Variants in FRMPD4 observed in about 807,000 individuals in gnomAD.
FRMPD4 encodes the protein FERM and PDZ domain containing 4, also known as FERM and PDZ domain-containing protein 4.
Under a neutral mutation model 94.1 loss-of-function variants are expected in FRMPD4, and 22 were observed. That is an observed-to-expected ratio of 0.23 (90% CI 0.17 to 0.33). The LOEUF (loss-of-function observed/expected upper bound fraction) is 0.33. Ranked by LOEUF, FRMPD4 falls within the 10% of genes least tolerant of loss-of-function variation. The pLI, the probability that FRMPD4 is intolerant of heterozygous loss-of-function variation, is 1.00. For synonymous variants in FRMPD4, 631 were observed against 548.6 expected (o/e 1.15, Z -2.10); for missense variants, 1,111 against 1,339.9 (o/e 0.83, Z 2.67).
intron 1 of FRMPD4, among the ~76,000 whole-genome samples, chrX:12,310,559 T>G (rs1010585014): frequency 3.6e-5 from 4 of 112,027 alleles, no homozygotes; most frequent in Non-Finnish European, 7.5e-5. Flanking sequence ...TTGTCATAAA[T>G]CAGTAGTTTT....
intron 1 of FRMPD4, among the ~76,000 whole-genome samples, chrX:12,454,204 A>C (rs1309627823): frequency 8.9e-6 from 1 of 112,331 alleles, no homozygotes; most frequent in Non-Finnish European, 1.9e-5. Context: ...TTCCAGACAT[A>C]AATCAATCAA....
chrX:12,043,197 ACT>A (rs1273499996), intron 3 of FRMPD4, among the ~76,000 whole-genome samples: 3 of 111,408 alleles, frequency 2.7e-5, no homozygotes, highest in African/African-American at 9.8e-5. Flanking sequence ...CAAAATCTTC[ACT>A]CTGTCATACA....
In FRMPD4 at chrX:12,716,853, C is replaced by T; in HGVS notation, c.2394C>T (p.Phe798=). ...AAGGTGATGACAATGAGGATGACTT[C>T]CTGTTGCGTTCCTTGAACATGGCCA... ...PPEGDDNEDD[F]LLRSLNMAIA... The change falls in exon 15 of 17, where the codon TTC becomes TTT. Residue 798 remains phenylalanine (F), a synonymous_variant. Transcript: ENST00000675598. 8.3e-7 allele frequency: 1 copy of T among 1,211,825 alleles called. No homozygotes were observed. Among genetic ancestry groups the T allele is most frequent in the East Asian group, 3.0e-5 (1 of 33,844 alleles).
chrX:12,501,922 A>G (rs2057926091), intron 2 of FRMPD4, among the ~76,000 whole-genome samples: 1 of 112,088 alleles, frequency 8.9e-6, no homozygotes, highest in African/African-American at 3.2e-5. Flanking sequence ...AGGGCTGGGT[A>G]ACCTGTTATC....
At chrX:12,016,487 T>C (rs771296416) in intron 3 of FRMPD4, among the ~76,000 whole-genome samples, 1 of 112,138 alleles carries the variant, frequency 8.9e-6, no homozygotes, top group African/African-American at 3.2e-5. Context: ...GGAAAAGCTT[T>C]TGGGGAAGGG....
At chrX:12,481,184 T>C (rs1224608558) in intron 1 of FRMPD4, among the ~76,000 whole-genome samples, 2 of 110,950 alleles carry the variant, frequency 1.8e-5, no homozygotes, top group African/African-American at 6.6e-5. Flanking sequence ...TTTACCCAAC[T>C]GCTTTAGGGA....
chrX:12,291,765 T>C (rs1478266569), intron 1 of FRMPD4, among the ~76,000 whole-genome samples: 1 of 111,423 alleles, frequency 9.0e-6, no homozygotes, highest in African/African-American at 3.3e-5. Context: ...CCAAATCTGG[T>C]CTCCTTTCCT....
At chrX:12,607,703 T>C (rs1248976528) in intron 2 of FRMPD4, among the ~76,000 whole-genome samples, 2 of 112,262 alleles carry the variant, frequency 1.8e-5, no homozygotes, top group Non-Finnish European at 3.8e-5. Context: ...AGGGGAATTT[T>C]AAGAATGAAA....
chrX:12,089,698 A>G (rs1380885079), intron 3 of FRMPD4, among the ~76,000 whole-genome samples: 1 of 111,997 alleles, frequency 8.9e-6, no homozygotes, highest in Non-Finnish European at 1.9e-5. Context: ...ATCTATGTCT[A>G]TATATATACA....
chrX:12,285,669 C>T (rs1197897242), intron 1 of FRMPD4, among the ~76,000 whole-genome samples: 1 of 111,642 alleles, frequency 9.0e-6, no homozygotes, highest in Non-Finnish European at 1.9e-5. Flanking sequence ...GCAAGGAATC[C>T]TCTAATCAAA....
At chrX:11,929,924 A>G (rs1335043647) in intron 3 of FRMPD4, among the ~76,000 whole-genome samples, 2 of 108,636 alleles carry the variant, frequency 1.8e-5, no homozygotes, top group African/African-American at 6.7e-5. Context: ...CCTGGCCAAC[A>G]TGGTGAAACC....
At chrX:12,024,643 C>T (rs1163102336) in intron 3 of FRMPD4, among the ~76,000 whole-genome samples, 3 of 112,009 alleles carry the variant, frequency 2.7e-5, no homozygotes, top group Non-Finnish European at 3.8e-5. Flanking sequence ...TCTTCCTGAT[C>T]GCATTTTCCC....
At chrX:11,925,817 T>TAACAACCTAATATCACAACTGAAAG (rs1280706309) in intron 3 of FRMPD4, among the ~76,000 whole-genome samples, 1 of 111,165 alleles carries the variant, frequency 9.0e-6, no homozygotes, top group Non-Finnish European at 1.9e-5. Context: ...GATCTCAAGC[T>TAACAACCTAATATCACAACTGAAAG]AACAACCTAA....
intron 3 of FRMPD4, among the ~76,000 whole-genome samples, chrX:12,054,251 C>A (rs752985693): frequency 2.7e-5 from 3 of 110,841 alleles, no homozygotes; most frequent in African/African-American, 9.9e-5. Flanking sequence ...GTGTCCTAAA[C>A]CCCATCAGCC....
chrX:12,630,268 C>T (rs1248289544), intron 4 of FRMPD4, among the ~76,000 whole-genome samples: 1 of 112,556 alleles, frequency 8.9e-6, no homozygotes, highest in Non-Finnish European at 1.9e-5. Flanking sequence ...CATTGCAGGC[C>T]ATAAGGGTCT....
At chrX:12,146,080 C>T (rs2055760705) in intron 1 of FRMPD4, among the ~76,000 whole-genome samples, 1 of 109,903 alleles carries the variant, frequency 9.1e-6, no homozygotes, top group Non-Finnish European at 1.9e-5. Flanking sequence ...CTGTATTTCT[C>T]GGGCTGGGCG....
chrX:12,648,901 C>G (rs895300701), intron 4 of FRMPD4, among the ~76,000 whole-genome samples: 6 of 112,280 alleles, frequency 5.3e-5, no homozygotes, highest in Non-Finnish European at 3.8e-5. Flanking sequence ...CCCATTTCCT[C>G]ATGTAAAAAG....
intron 1 of FRMPD4, among the ~76,000 whole-genome samples, chrX:12,382,641 G>A (rs916565313): frequency 1.8e-5 from 2 of 110,660 alleles, no homozygotes; most frequent in African/African-American, 6.7e-5. Flanking sequence ...ACATATGATG[G>A]TCCATCCTCC....
intron 2 of FRMPD4, among the ~76,000 whole-genome samples, chrX:12,562,585 T>C (rs1227806578): frequency 8.9e-6 from 1 of 112,361 alleles, no homozygotes; most frequent in Non-Finnish European, 1.9e-5. Flanking sequence ...TCTTTCATTG[T>C]TTTCAAATGG....
Sources: allele counts gnomAD v4.1 joint callset (sites outside exome capture counted in the v4.1 genomes callset), GRCh38; gene constraint gnomAD v4.1.1; transcripts MANE v1.5; gene names NCBI Gene and HGNC (gene_info 2026-07-23, HGNC 2026-07-21).